BCKDHB: variants seen among roughly 807,000 people sequenced by gnomAD.
BCKDHB encodes the protein 2-oxoisovalerate dehydrogenase subunit beta, mitochondrial.
A neutral mutation model predicts 48.5 loss-of-function variants in BCKDHB; 41 were observed. The observed-to-expected ratio is 0.85, with a 90% CI of 0.66 to 1.10. The LOEUF (loss-of-function observed/expected upper bound fraction) is 1.10, where lower values mean the gene tolerates loss of function less well. BCKDHB is among the 50% of genes least tolerant of loss of function. BCKDHB has a pLI of 0.00. For missense variants in BCKDHB, 496 were observed against 494.2 expected (o/e 1.00, Z -0.03); for synonymous variants, 201 against 174.8 (o/e 1.15, Z -1.18).
the BCKDHB span, chr6:80,443,552 A>G: frequency 6.6e-6 from 1 of 152,306 alleles, no homozygotes; most frequent in African/African-American, 2.4e-5. Context: ...AGTTAACAGT[A>G]ACAGCTGCTT....
intron 9 of BCKDHB, among the ~76,000 whole-genome samples, chr6:80,289,301 A>T (rs1489942556): frequency 6.6e-6 from 1 of 152,170 alleles, no homozygotes; most frequent in Middle Eastern, 3.2e-3. Flanking sequence ...TACATAGTAC[A>T]TTGTTGAACT....
chr6:80,311,478 C>G (rs1356088512), intron 9 of BCKDHB, among the ~76,000 whole-genome samples: 1 of 152,172 alleles, frequency 6.6e-6, no homozygotes, highest in African/African-American at 2.4e-5. Context: ...GTTGCAATTG[C>G]TTTTGGCATC....
At chr6:80,404,235 T>G in the BCKDHB span, among the ~76,000 whole-genome samples, 1 of 152,012 alleles carries the variant, frequency 6.6e-6, no homozygotes, top group Non-Finnish European at 1.5e-5. Context: ...TTTTTTAAAA[T>G]GACTGATTTA....
At chr6:80,165,239 T>C (rs537833831) in intron 3 of BCKDHB, among the ~76,000 whole-genome samples, 6 of 152,272 alleles carry the variant, frequency 3.9e-5, no homozygotes, top group Admixed American at 6.5e-5. Context: ...TTTCTACCAC[T>C]GAGTTTTTGG....
At chr6:80,330,809 A>C (rs1040593) in intron 9 of BCKDHB, among the ~76,000 whole-genome samples, 145,612 of 152,208 alleles carry the variant, frequency 0.96, 69,661 homozygotes, top group East Asian at 0.99. Context: ...TTCTCATATG[A>C]CATTTGCTCC....
intron 6 of BCKDHB, among the ~76,000 whole-genome samples, chr6:80,191,467 A>G (rs1248956304): frequency 4.6e-5 from 7 of 152,166 alleles, no homozygotes; most frequent in Non-Finnish European, 1.0e-4. Flanking sequence ...TGTGAAAAAT[A>G]TATTAAATAT....
At position 80,127,544 on chromosome 6, in the gene BCKDHB, C is replaced by G; in HGVS notation, c.197-3C>G. 2 of 1,610,416 alleles carry G rather than the reference C, an allele frequency of 1.2e-6. No homozygotes were observed. The highest frequency in any genetic ancestry group is 1.7e-6 in the Non-Finnish European group (2 of 1,177,534). On this transcript the variant is annotated splice_region_variant and splice_polypyrimidine_tract_variant and intron_variant, in intron 1 of 9. Coordinates refer to ENST00000320393, the MANE Select transcript of BCKDHB (RefSeq NM_183050.4). ...GAAATGATTTTTTTTTTGATTTTCA[C>G]AGGGCAAACTCAGAAAATGAATCTT...
chr6:80,377,404 T>C, the BCKDHB span, among the ~76,000 whole-genome samples: 1 of 152,168 alleles, frequency 6.6e-6, no homozygotes, highest in African/African-American at 2.4e-5. Context: ...GTGTCATAGG[T>C]AAGTTTTTTT....
At chr6:80,196,851 G>A (rs911539284) in intron 6 of BCKDHB, among the ~76,000 whole-genome samples, 1 of 152,028 alleles carries the variant, frequency 6.6e-6, no homozygotes, top group African/African-American at 2.4e-5. Context: ...TGTATATGTG[G>A]AAACTTACAA....
At chr6:80,464,847 G>T in the BCKDHB span, among the ~76,000 whole-genome samples, 1 of 152,218 alleles carries the variant, frequency 6.6e-6, no homozygotes, top group East Asian at 1.9e-4. Flanking sequence ...GAGAACAAGA[G>T]AAAAGGTAAG....
the BCKDHB span, among the ~76,000 whole-genome samples, chr6:80,428,471 A>C: frequency 4.6e-5 from 7 of 152,130 alleles, no homozygotes; most frequent in African/African-American, 9.7e-5. Context: ...TGGTTGAACT[A>C]ATTTACACTC....
chr6:80,397,023 T>C, the BCKDHB span, among the ~76,000 whole-genome samples: 1 of 152,176 alleles, frequency 6.6e-6, no homozygotes, highest in African/African-American at 2.4e-5. Flanking sequence ...TTCCCAATTC[T>C]TACACTTCAG....
the BCKDHB span, among the ~76,000 whole-genome samples, chr6:80,440,410 G>C: frequency 6.6e-6 from 1 of 152,280 alleles, no homozygotes; most frequent in South Asian, 2.1e-4. Flanking sequence ...CACAGGAAGA[G>C]AATGGATGGA....
chr6:80,302,793 A>G (rs1767655627), intron 9 of BCKDHB, among the ~76,000 whole-genome samples: 1 of 152,214 alleles, frequency 6.6e-6, no homozygotes, highest in African/African-American at 2.4e-5. Flanking sequence ...AAGGAAAAAG[A>G]GAAAATATTC....
the BCKDHB span, among the ~76,000 whole-genome samples, chr6:80,450,470 C>T: frequency 4.3e-3 from 653 of 152,108 alleles, 7 homozygotes; most frequent in African/African-American, 0.015. Flanking sequence ...AGGGGAGGGG[C>T]GCTTGTGCTT....
the BCKDHB span, among the ~76,000 whole-genome samples, chr6:80,406,177 A>G: frequency 5.3e-5 from 8 of 152,198 alleles, no homozygotes; most frequent in Non-Finnish European, 1.2e-4. Context: ...ATGGCTGCGT[A>G]GTATTCCATG....
intron 8 of BCKDHB, among the ~76,000 whole-genome samples, chr6:80,233,227 A>G (rs1776008619): frequency 6.6e-6 from 1 of 152,162 alleles, no homozygotes; most frequent in African/African-American, 2.4e-5. Context: ...GAACGGATAA[A>G]AATTCCATTC....
chr6:80,276,834 A>G (rs566941779), intron 9 of BCKDHB, among the ~76,000 whole-genome samples: 1 of 152,006 alleles, frequency 6.6e-6, no homozygotes, highest in Non-Finnish European at 1.5e-5. Context: ...AAGTTTCTTC[A>G]TAAAACATAT....
intron 8 of BCKDHB, among the ~76,000 whole-genome samples, chr6:80,231,016 A>G (rs921764604): frequency 4.6e-5 from 7 of 152,226 alleles, no homozygotes; most frequent in African/African-American, 1.4e-4. Context: ...TAAATAAATC[A>G]GTGGATGTGA....
Sources: gnomAD v4.1 joint callset for allele counts (sites outside exome capture counted in the v4.1 genomes callset) on GRCh38, gnomAD v4.1.1 for gene constraint, MANE v1.5 for transcripts, NCBI Gene and HGNC (gene_info 2026-07-23, HGNC 2026-07-21) for gene names.